The following EDNRB variants were observed in gnomAD, a reference collection of about 807,000 sequenced individuals.
EDNRB encodes endothelin receptor type B.
EDNRB carries 18 observed loss-of-function variants against 46.4 expected under a neutral mutation model. The observed-to-expected ratio is 0.39, with a 90% CI of 0.27 to 0.57. The LOEUF (loss-of-function observed/expected upper bound fraction) is 0.57, where lower values mean the gene tolerates loss of function less well. Ranked by LOEUF, EDNRB falls within the 20% of genes least tolerant of loss-of-function variation. The pLI, the probability that EDNRB is intolerant of heterozygous loss-of-function variation, is 0.61. For synonymous variants in EDNRB, 213 were observed against 204.9 expected (o/e 1.04, Z -0.34); for missense variants, 434 against 537.5 (o/e 0.81, Z 1.90).
At position 77,918,578 on chromosome 13, in the gene EDNRB, C is replaced by A; in HGVS notation, c.-5G>T. The A allele has an allele frequency of 6.3e-7, 1 of 1,590,244 alleles. No individual in the cohort carries two copies. Among genetic ancestry groups the A allele is most frequent in the Non-Finnish European group, 8.5e-7 (1 of 1,173,348 alleles). On this transcript the variant is annotated 5_prime_UTR_variant, in exon 1 of 7. Transcript: ENST00000646607. This position sits in a 1 kb window ranked among gnomAD's most constrained non-coding sequence, Gnocchi z 4.5. ...CAGACTTGGAGGCGGCTGCATGCTG[C>A]TACCTGCTCCAGAAGGCGTCCGGTG...
chr13:77,903,086 G>A lies in EDNRB; in HGVS notation c.801+70C>T. Reference sequence around the variant, plus strand: ...AATCAACAGTTTCCCAAGGAGTGGGGAACAGGGGAAAAATAGCTAAATATT... The same window carrying A: ...AATCAACAGTTTCCCAAGGAGTGGGAAACAGGGGAAAAATAGCTAAATATT... On this transcript the variant is annotated intron_variant, in intron 3 of 6. Coordinates refer to ENST00000646607, the MANE Select transcript of EDNRB (RefSeq NM_001122659.3). 3 of 1,518,012 alleles carry A rather than the reference G, an allele frequency of 2.0e-6. No individual in the cohort carries two copies. In the Admixed American group the frequency reaches 5.1e-5, roughly 26 times the overall value. The allele number at this position is 1,518,012 out of a possible 1,614,324, so 94.0% of individuals were successfully genotyped here.
chr13:77,906,349 C>T (rs981344510), intron 1 of EDNRB, among the ~76,000 whole-genome samples: 2 of 152,012 alleles, frequency 1.3e-5, no homozygotes, highest in African/African-American at 4.8e-5. Flanking sequence ...CAGCCTGGTA[C>T]AACTTATTCA....
intron 1 of EDNRB, among the ~76,000 whole-genome samples, chr13:77,930,952 C>T (rs1880377396): frequency 6.6e-6 from 1 of 152,100 alleles, no homozygotes; most frequent in Non-Finnish European, 1.5e-5. Context: ...AAGACCCAAA[C>T]TCTAAATGTG....
rs183305195 is a variant in EDNRB at position 77,912,527 on chromosome 13, C to T, written c.483+5564G>A. On this transcript the variant is annotated intron_variant, in intron 1 of 6. Coordinates refer to ENST00000646607, the MANE Select transcript of EDNRB (RefSeq NM_001122659.3). Reference sequence around the variant, plus strand: ...TTCTTTTTCTTTTTCATTTGGACATCAGTAAAAATATGAGTGGAAAAAGCC... The same window carrying T: ...TTCTTTTTCTTTTTCATTTGGACATTAGTAAAAATATGAGTGGAAAAAGCC... 3.8e-3 allele frequency among the ~76,000 whole-genome samples: 571 copies of T among 152,018 alleles called. 20 individuals carry two copies. Among genetic ancestry groups the T allele is most frequent in the Non-Finnish European group, 9.1e-4 (62 of 67,948 alleles).
chr13:77,947,135 G>A (rs969572915), intron 1 of EDNRB, among the ~76,000 whole-genome samples: 2 of 152,138 alleles, frequency 1.3e-5, no homozygotes, highest in Admixed American at 6.6e-5. Context: ...ACTTATTTGA[G>A]CCCTTTATTA....
At chr13:77,919,694 C>A, upstream of EDNRB, 1 of 1,395,114 alleles carries the variant, frequency 7.2e-7, no homozygotes, top group Non-Finnish European at 9.8e-7. Flanking sequence ...TGGGCGATGC[C>A]TGGACAGCAT....
At chr13:77,917,248 A>G (rs889781335) in intron 1 of EDNRB, among the ~76,000 whole-genome samples, 4 of 152,218 alleles carry the variant, frequency 2.6e-5, no homozygotes, top group Non-Finnish European at 4.4e-5. Context: ...CCTACCAGTC[A>G]TCTGTAAACT....
intron 1 of EDNRB, among the ~76,000 whole-genome samples, chr13:77,960,854 C>G (rs940768407): frequency 1.4e-5 from 1 of 71,322 alleles, no homozygotes; most frequent in South Asian, 6.3e-4. Context: ...ATCTACCAAG[C>G]AAATGGAAAA....
intron 1 of EDNRB, among the ~76,000 whole-genome samples, chr13:77,906,956 A>G (rs1445433022): frequency 1.3e-5 from 2 of 152,038 alleles, no homozygotes; most frequent in African/African-American, 4.8e-5. Context: ...TACAACCACT[A>G]TAATACCTGC....
intron 1 of EDNRB, among the ~76,000 whole-genome samples, chr13:77,936,867 G>GTATGC (rs1319003953): frequency 2.0e-5 from 3 of 152,208 alleles, no homozygotes; most frequent in African/African-American, 7.2e-5. Context: ...TGAAGTTCTT[G>GTATGC]TATGCTGGAG....
At chr13:77,934,978 G>A (rs978194239) in intron 1 of EDNRB, among the ~76,000 whole-genome samples, 1 of 146,224 alleles carries the variant, frequency 6.8e-6, no homozygotes, top group Non-Finnish European at 1.5e-5. Flanking sequence ...GTCAGGTGTG[G>A]TATCAGGAAT....
chr13:77,919,246 C>G (rs1879986680), upstream of EDNRB: 1 of 815,916 alleles, frequency 1.2e-6, no homozygotes, highest in South Asian at 1.9e-5. Context: ...CAAACACTCG[C>G]GCTCCTTCCT....
chr13:77,899,221 G>T (rs1156830613), intron 6 of EDNRB, among the ~76,000 whole-genome samples: 2 of 151,878 alleles, frequency 1.3e-5, no homozygotes, highest in East Asian at 3.9e-4. Context: ...TAGCTTTCCA[G>T]TAGTGAAATA....
At chr13:77,952,526 C>T (rs1161133277) in intron 1 of EDNRB, among the ~76,000 whole-genome samples, 1 of 152,064 alleles carries the variant, frequency 6.6e-6, no homozygotes, top group Non-Finnish European at 1.5e-5. Flanking sequence ...TTTTCCTAGC[C>T]CTCATTCAAA....
At position 77,898,192 on chromosome 13, in the gene EDNRB, T is replaced by A. The variant is rs760005563; in HGVS notation, c.*8A>T. On this transcript the variant is annotated 3_prime_UTR_variant, in exon 7 of 7. Transcript: ENST00000646607. ...AAAGAAAATGAAATACAGTGAATAG[T>A]TCTTCTTTCAAGATGAGCTGTATTT... 3.1e-6 allele frequency: 5 copies of A among 1,610,876 alleles called. No individual in the cohort carries two copies. The East Asian group carries it at 1.1e-4, about 36-fold the overall frequency.
chr13:77,954,630 A>G (rs1469401448), intron 1 of EDNRB, among the ~76,000 whole-genome samples: 2 of 151,508 alleles, frequency 1.3e-5, no homozygotes, highest in Non-Finnish European at 2.9e-5. Flanking sequence ...TCCTGCCTCA[A>G]CCTGTAGCTG....
In EDNRB at chr13:77,930,930, C is replaced by T. The variant is rs775372371; in HGVS notation, c.-51-12306G>A. On this transcript the variant is annotated intron_variant, in intron 1 of 7. Coordinates refer to the EDNRB transcript ENST00000646948. ...TATGACACTTCCACACCTACTTTTA[C>T]CTTATAAGGTAAAGACCCAAACTCT... Among the ~76,000 whole-genome samples, 28 of 152,196 alleles carry T rather than the reference C, an allele frequency of 1.8e-4. No individual in the cohort carries two copies. In the Middle Eastern group the frequency reaches 0.01, roughly 55 times the overall value.
intron 2 of EDNRB, 59 bp from the exon 3 acceptor site, chr13:77,903,419 A>G (rs1460134240): frequency 1.2e-6 from 2 of 1,610,486 alleles, no homozygotes; most frequent in South Asian, 1.1e-5. Flanking sequence ...ATTGAATTGC[A>G]CAGTTTATTT....
intron 1 of EDNRB, among the ~76,000 whole-genome samples, chr13:77,933,456 A>C (rs1880462625): frequency 6.6e-6 from 1 of 152,182 alleles, no homozygotes; most frequent in African/African-American, 2.4e-5. Context: ...CTTTTGAGCC[A>C]GGATGAGCCA....
Sources: allele counts gnomAD v4.1 joint callset (sites outside exome capture counted in the v4.1 genomes callset), GRCh38; gene constraint gnomAD v4.1.1; non-coding constraint Gnocchi (gnomAD v3.1); transcripts MANE v1.5; gene names NCBI Gene and HGNC (gene_info 2026-07-23, HGNC 2026-07-21).